Variants in LOC112694756 observed in about 807,000 individuals in gnomAD.
the LOC112694756 span, chr16:30,067,268 A>C: frequency 6.2e-7 from 1 of 1,612,240 alleles, no homozygotes; most frequent in Non-Finnish European, 8.5e-7. Context: ...CCCTACCAAT[A>C]TCCAGCACTG....
At chr16:30,069,830 G>T in the LOC112694756 span, 1 of 1,614,096 alleles carries the variant, frequency 6.2e-7, no homozygotes, top group South Asian at 1.1e-5. Flanking sequence ...TGCTCTACAG[G>T]GATCACCTTC....
At chr16:30,064,667 A>G in the LOC112694756 span, 1 of 391,686 alleles carries the variant, frequency 2.6e-6, no homozygotes, top group Non-Finnish European at 4.5e-6. Flanking sequence ...GGCAGGGGTC[A>G]TTAGAGAAGA....
the LOC112694756 span, among the ~76,000 whole-genome samples, chr16:30,058,493 CT>C: frequency 4.2e-5 from 6 of 141,348 alleles, no homozygotes; most frequent in Non-Finnish European, 4.7e-5. Context: ...TTTCTTTTTT[CT>C]TTTTTTTTTG....
At chr16:30,064,354 G>A in the LOC112694756 span, 3 of 398,728 alleles carry the variant, frequency 7.5e-6, no homozygotes, top group African/African-American at 6.2e-5. Flanking sequence ...AGGGAGATTA[G>A]AGAAGGAGCC....
chr16:30,067,418 C>T, the LOC112694756 span: 2 of 1,612,160 alleles, frequency 1.2e-6, no homozygotes, highest in Non-Finnish European at 1.7e-6. Context: ...GAGTGGCAGG[C>T]TGATCCCCTA....
At chr16:30,066,413 G>C in the LOC112694756 span, among the ~76,000 whole-genome samples, 4 of 152,222 alleles carry the variant, frequency 2.6e-5, no homozygotes, top group African/African-American at 9.6e-5. Context: ...TCTGAGCCCG[G>C]AACAGCTGCA....
chr16:30,059,231 C>T, the LOC112694756 span, among the ~76,000 whole-genome samples: 1 of 152,052 alleles, frequency 6.6e-6, no homozygotes, highest in African/African-American at 2.4e-5. Flanking sequence ...GGTGCGGTGG[C>T]TCATGCCTGT....
chr16:30,056,377 T>C, the LOC112694756 span, among the ~76,000 whole-genome samples: 1 of 152,144 alleles, frequency 6.6e-6, no homozygotes, highest in South Asian at 2.1e-4. Context: ...TTAAAACCTA[T>C]ATGTTTTTTC....
At chr16:30,064,196 C>G in the LOC112694756 span, 1 of 397,942 alleles carries the variant, frequency 2.5e-6, no homozygotes, top group Non-Finnish European at 4.4e-6. Context: ...GTACCGGGTA[C>G]GCAGGGGTGC....
chr16:30,068,801 C>G, the LOC112694756 span: 1 of 1,614,234 alleles, frequency 6.2e-7, no homozygotes, highest in East Asian at 2.2e-5. Flanking sequence ...TGCTCTGACC[C>G]CTTCCTCTTC....
chr16:30,059,768 G>A, the LOC112694756 span, among the ~76,000 whole-genome samples: 1 of 151,290 alleles, frequency 6.6e-6, no homozygotes, highest in Non-Finnish European at 1.5e-5. Flanking sequence ...TCACCATGTT[G>A]GCCAGGCTGG....
At chr16:30,061,030 C>T in the LOC112694756 span, among the ~76,000 whole-genome samples, 2 of 152,252 alleles carry the variant, frequency 1.3e-5, no homozygotes, top group Non-Finnish European at 2.9e-5. Flanking sequence ...TTGAACTGTA[C>T]AACTGTGACT....
chr16:30,069,028 G>A, the LOC112694756 span: 12 of 1,612,926 alleles, frequency 7.4e-6, no homozygotes, highest in East Asian at 1.8e-4. Flanking sequence ...TTTGGTTCCA[G>A]TGTTGTTAAT....
At chr16:30,064,914 G>T in the LOC112694756 span, 2 of 164,972 alleles carry the variant, frequency 1.2e-5, no homozygotes, top group Non-Finnish European at 1.3e-5. Flanking sequence ...CTGGGAGGCA[G>T]ATCAGTTCGG....
the LOC112694756 span, chr16:30,068,889 G>A: frequency 6.2e-7 from 1 of 1,614,252 alleles, no homozygotes; most frequent in South Asian, 1.1e-5. Flanking sequence ...GTGGCGTTGT[G>A]TGCTGAAGAT....
chr16:30,065,430 G>A, the LOC112694756 span, among the ~76,000 whole-genome samples: 1 of 152,178 alleles, frequency 6.6e-6, no homozygotes, highest in African/African-American at 2.4e-5. Flanking sequence ...TTCCATCCGC[G>A]TCCTCCACTT....
At chr16:30,054,869 CTGTGGGCATCTATT>C in the LOC112694756 span, 4 of 399,352 alleles carry the variant, frequency 1.0e-5, no homozygotes, top group East Asian at 1.4e-4. Context: ...GTCTTCATCG[CTGTGGGCATCTATT>C]TGTTGCTGCT....
the LOC112694756 span, chr16:30,067,493 C>G: frequency 3.7e-6 from 6 of 1,613,478 alleles, no homozygotes; most frequent in Middle Eastern, 1.6e-4. Flanking sequence ...CCGAGAACAC[C>G]GAGGAGAACC....
At chr16:30,063,746 C>T in the LOC112694756 span, 4 of 399,506 alleles carry the variant, frequency 1.0e-5, no homozygotes, top group East Asian at 1.4e-4. Context: ...CACCTCGCTG[C>T]CCCCGCTGCT....
Sources: gnomAD v4.1 joint callset for allele counts (sites outside exome capture counted in the v4.1 genomes callset) on GRCh38, gnomAD v4.1.1 for gene constraint, MANE v1.5 for transcripts.